KCNQ5: variants seen among roughly 807,000 people sequenced by gnomAD.
KCNQ5 encodes potassium voltage-gated channel subfamily KQT member 5.
A neutral mutation model predicts 98.2 loss-of-function variants in KCNQ5; 30 were observed. The ratio of observed to expected loss-of-function variants is 0.31; its 90% confidence interval spans 0.23 to 0.41. KCNQ5 has a LOEUF of 0.41. KCNQ5 is among the 10% of genes least tolerant of loss of function. The pLI, the probability that KCNQ5 is intolerant of heterozygous loss-of-function variation, is 1.00. For synonymous variants in KCNQ5, 458 were observed against 449.4 expected (o/e 1.02, Z -0.24); for missense variants, 835 against 1,182.5 (o/e 0.71, Z 4.31).
intron 1 of KCNQ5, among the ~76,000 whole-genome samples, chr6:72,776,440 A>G (rs540598428): frequency 6.3e-4 from 96 of 152,326 alleles, no homozygotes; most frequent in South Asian, 1.5e-3. Context: ...CTCTTTATAT[A>G]TCAAACTTCA....
chr6:72,785,321 T>C (rs976428557), intron 1 of KCNQ5, among the ~76,000 whole-genome samples: 4 of 151,984 alleles, frequency 2.6e-5, no homozygotes, highest in South Asian at 2.1e-4. Context: ...GGATTGTAAC[T>C]GGAAAACATG....
chr6:72,685,104 AG>A (rs1767886589), intron 1 of KCNQ5, among the ~76,000 whole-genome samples: 1 of 152,214 alleles, frequency 6.6e-6, no homozygotes, highest in African/African-American at 2.4e-5. Flanking sequence ...GAGAGGGTGT[AG>A]GGCTATGTGT....
intron 10 of KCNQ5, among the ~76,000 whole-genome samples, chr6:73,148,502 CAA>C (rs1777010627): frequency 6.6e-6 from 1 of 152,026 alleles, no homozygotes. Context: ...TACCAAATCA[CAA>C]AAAAAGTACT....
chr6:73,068,640 G>A (rs1773170563), intron 3 of KCNQ5, among the ~76,000 whole-genome samples: 1 of 152,154 alleles, frequency 6.6e-6, no homozygotes, highest in Non-Finnish European at 1.5e-5. Context: ...CAGCTATTAA[G>A]CAGCAGAGCC....
At chr6:73,033,234 T>C (rs933679129) in intron 2 of KCNQ5, among the ~76,000 whole-genome samples, 5 of 152,256 alleles carry the variant, frequency 3.3e-5, no homozygotes, top group African/African-American at 1.2e-4. Flanking sequence ...CCAGCCCATA[T>C]GGTCTCAATT....
At chr6:73,053,839 A>T (rs1772345589) in intron 3 of KCNQ5, among the ~76,000 whole-genome samples, 1 of 152,168 alleles carries the variant, frequency 6.6e-6, no homozygotes, top group African/African-American at 2.4e-5. Flanking sequence ...AACACAAGAA[A>T]TCAAAATCTG....
chr6:73,104,372 C>T (rs1418414), intron 5 of KCNQ5, among the ~76,000 whole-genome samples: 33,258 of 152,004 alleles, frequency 0.22, 8,262 homozygotes, highest in African/African-American at 0.6. Context: ...AATTAAAATA[C>T]TTAGGAATAA....
chr6:73,054,267 T>C (rs1421839330), intron 3 of KCNQ5, among the ~76,000 whole-genome samples: 1 of 152,060 alleles, frequency 6.6e-6, no homozygotes. Flanking sequence ...ACAAGAAGTA[T>C]AAAGAAGAGC....
intron 1 of KCNQ5, among the ~76,000 whole-genome samples, chr6:72,719,264 T>C (rs1029401090): frequency 3.3e-5 from 5 of 152,180 alleles, no homozygotes; most frequent in African/African-American, 7.2e-5. Context: ...ACAATGCTCA[T>C]TGAGGTGGAA....
At chr6:72,848,859 T>A (rs1000188258) in intron 1 of KCNQ5, among the ~76,000 whole-genome samples, 4 of 152,154 alleles carry the variant, frequency 2.6e-5, no homozygotes, top group Non-Finnish European at 5.9e-5. Context: ...GAAGGACGTG[T>A]TTGCTTCCCC....
chr6:73,031,759 A>C (rs1240984424), intron 2 of KCNQ5, among the ~76,000 whole-genome samples: 3 of 152,224 alleles, frequency 2.0e-5, no homozygotes, highest in Admixed American at 6.5e-5. Flanking sequence ...TTATAAAATG[A>C]ATTCATGAAA....
intron 1 of KCNQ5, among the ~76,000 whole-genome samples, chr6:72,679,896 G>A (rs1302848630): frequency 6.6e-6 from 1 of 151,996 alleles, no homozygotes; most frequent in East Asian, 1.9e-4. Context: ...AAATTAGCTG[G>A]ATGTAGTAGT....
At chr6:72,815,323 T>C (rs1044329488) in intron 1 of KCNQ5, among the ~76,000 whole-genome samples, 3 of 152,290 alleles carry the variant, frequency 2.0e-5, no homozygotes, top group Admixed American at 2.0e-4. Flanking sequence ...CAGATTTTTA[T>C]AAGTATCGTA....
intron 1 of KCNQ5, among the ~76,000 whole-genome samples, chr6:72,743,497 T>C (rs964055568): frequency 1.3e-5 from 2 of 152,192 alleles, no homozygotes; most frequent in Non-Finnish European, 2.9e-5. Flanking sequence ...TACAATATAA[T>C]GGATGACAAC....
intron 1 of KCNQ5, among the ~76,000 whole-genome samples, chr6:72,931,859 G>A (rs911631899): frequency 7.2e-5 from 11 of 152,246 alleles, no homozygotes; most frequent in East Asian, 1.9e-4. Context: ...CCAGATTGTA[G>A]TCCCCAAAGG....
intron 1 of KCNQ5, among the ~76,000 whole-genome samples, chr6:72,833,588 G>A (rs1776379088): frequency 6.6e-6 from 1 of 152,100 alleles, no homozygotes; most frequent in Non-Finnish European, 1.5e-5. Context: ...AATGCCCCCA[G>A]ACCAAAAATA....
At chr6:73,027,712 T>G (rs1770952545) in intron 2 of KCNQ5, among the ~76,000 whole-genome samples, 1 of 152,240 alleles carries the variant, frequency 6.6e-6, no homozygotes, top group Non-Finnish European at 1.5e-5. Context: ...TGAATTTGCC[T>G]AGTATATCCT....
chr6:73,156,821 G>A (rs1445791552), intron 10 of KCNQ5, among the ~76,000 whole-genome samples: 1 of 152,200 alleles, frequency 6.6e-6, no homozygotes, highest in East Asian at 1.9e-4. Flanking sequence ...CAGAGTGACT[G>A]TGGAGAGGTG....
chr6:72,896,964 G>GT (rs887953184), intron 1 of KCNQ5, among the ~76,000 whole-genome samples: 2 of 151,874 alleles, frequency 1.3e-5, no homozygotes, highest in African/African-American at 4.8e-5. Flanking sequence ...TGGTTGGTTG[G>GT]TTTTTTGTTT....
Sources: gnomAD v4.1 joint callset for allele counts (sites outside exome capture counted in the v4.1 genomes callset) on GRCh38, gnomAD v4.1.1 for gene constraint, MANE v1.5 for transcripts, NCBI Gene and HGNC (gene_info 2026-07-23, HGNC 2026-07-21) for gene names.